Variants in LIN28B observed in about 807,000 individuals in gnomAD.
The protein encoded by LIN28B is protein lin-28 homolog B.
LIN28B carries 5 observed loss-of-function variants against 21.9 expected under a neutral mutation model. That is an observed-to-expected ratio of 0.23 (90% confidence interval 0.12 to 0.48). The LOEUF is 0.48. Ranked by LOEUF, LIN28B falls within the 20% of genes least tolerant of loss-of-function variation. LIN28B has a pLI of 0.98. For missense variants in LIN28B, 245 were observed against 310.5 expected (o/e 0.79, Z 1.58); for synonymous variants, 109 against 111.3 (o/e 0.98, Z 0.13).
chr6:105,046,788 T>C lies in LIN28B; in HGVS notation c.383+20306T>C, dbSNP rs541731055. On this transcript the variant is annotated intron_variant, in intron 3 of 3. Transcript: ENST00000345080. The stretch of plus-strand genomic sequence containing the variant: ...GCCAGTGATGATGAGCGTTTTTTCA[T>C]GTGTCTTTTGGCTGCATAAATGTCT... 4.6e-5 allele frequency among the ~76,000 whole-genome samples: 7 copies of C among 152,360 alleles called. No individual in the cohort carries two copies. In the East Asian group the frequency reaches 9.6e-4, roughly 21 times the overall value.
At chr6:104,938,651 A>C (rs952123430) in intron 2 of LIN28B, among the ~76,000 whole-genome samples, 17 of 151,978 alleles carry the variant, frequency 1.1e-4, no homozygotes, top group Non-Finnish European at 2.4e-4. Context: ...GAAAAAAAAA[A>C]AAACCTGAAA....
At chr6:104,995,082 T>C (rs1395296795) in intron 2 of LIN28B, among the ~76,000 whole-genome samples, 2 of 152,172 alleles carry the variant, frequency 1.3e-5, no homozygotes, top group East Asian at 3.8e-4. Flanking sequence ...ATGCATATAT[T>C]TCAAAATCCC....
At chr6:104,993,841 A>AG (rs1278556790) in intron 2 of LIN28B, among the ~76,000 whole-genome samples, 1 of 151,926 alleles carries the variant, frequency 6.6e-6, no homozygotes, top group African/African-American at 2.4e-5. Context: ...CTCAAAAAAA[A>AG]AAAAAAAAAA....
intron 2 of LIN28B, among the ~76,000 whole-genome samples, chr6:104,966,525 C>G (rs995880823): frequency 6.6e-6 from 1 of 151,668 alleles, no homozygotes; most frequent in African/African-American, 2.4e-5. Flanking sequence ...GGGATCATGG[C>G]TCACTGCAAC....
chr6:104,980,648 G>A (rs1770200385), intron 2 of LIN28B, among the ~76,000 whole-genome samples: 1 of 152,174 alleles, frequency 6.6e-6, no homozygotes, highest in Non-Finnish European at 1.5e-5. Flanking sequence ...AAAGGAAACA[G>A]CCTTTATGCC....
intron 2 of LIN28B, among the ~76,000 whole-genome samples, chr6:104,978,762 A>G (rs1361922680): frequency 1.3e-5 from 2 of 152,150 alleles, no homozygotes; most frequent in African/African-American, 4.8e-5. Context: ...TGTTGGTTGT[A>G]TATCCAACAT....
rs1302132763 is a variant in LIN28B, at chr6:105,081,748, G to C, written c.*2965G>C. 6.6e-6 allele frequency: 1 copy of C among 152,632 alleles called. No homozygotes were observed. The highest frequency in any genetic ancestry group is 1.5e-5 in the Non-Finnish European group (1 of 68,118). 9.5% of individuals were successfully genotyped at this position (152,632 alleles called of 1,614,324 possible). On this transcript the variant is annotated 3_prime_UTR_variant, in exon 4 of 4. Coordinates refer to ENST00000345080, the MANE Select transcript of LIN28B (RefSeq NM_001004317.4). ...GGTGGAGGTTGGAAGGGGTAGCAGG[G>C]AGAGGGGTTGGTGTATGCAGGTATT... is the stretch of plus-strand genomic sequence containing the variant.
chr6:104,951,101 G>A (rs896773122), intron 3 of LIN28B, among the ~76,000 whole-genome samples: 2 of 151,974 alleles, frequency 1.3e-5, no homozygotes, highest in African/African-American at 4.8e-5. Context: ...TTTAAACCCA[G>A]ACTTTTGACA....
Position 104,991,171 on chromosome 6 carries a change from C to T in LIN28B, c.198+32885C>T, listed in dbSNP as rs1358321114. Among the ~76,000 whole-genome samples, 77 of 138,718 alleles carry T rather than the reference C, an allele frequency of 5.6e-4. 1 individual carries two copies. The highest frequency in any genetic ancestry group is 1.0e-3 in the African/African-American group (37 of 36,776). 91.0% of individuals were successfully genotyped at this position (138,718 alleles called of 152,430 possible). On this transcript the variant is annotated intron_variant, in intron 2 of 3. Coordinates refer to ENST00000345080, the MANE Select transcript of LIN28B (RefSeq NM_001004317.4). ...GCGCCCCCCCACCTCCCGGACAGGG[C>T]GGCGGCCAGGCGGAGACGCCCCCCA... is the stretch of plus-strand genomic sequence containing the variant.
chr6:104,967,656 T>A (rs574939695), intron 2 of LIN28B, among the ~76,000 whole-genome samples: 3 of 149,500 alleles, frequency 2.0e-5, no homozygotes, highest in African/African-American at 4.9e-5. Flanking sequence ...TAAACATTTT[T>A]AAAATTTTTA....
intron 2 of LIN28B, among the ~76,000 whole-genome samples, chr6:104,970,716 G>A (rs1343081370): frequency 6.6e-6 from 1 of 152,056 alleles, no homozygotes; most frequent in African/African-American, 2.4e-5. Context: ...AGGGGTGGTG[G>A]TTGGGAGACA....
intron 2 of LIN28B, among the ~76,000 whole-genome samples, chr6:104,950,120 T>G (rs1479354837): frequency 6.6e-6 from 1 of 152,110 alleles, no homozygotes; most frequent in African/African-American, 2.4e-5. Context: ...TTAACTGTGC[T>G]TGGAAAAAAT....
At position 105,081,142 on chromosome 6, in the gene LIN28B, T is replaced by C. The variant is rs992231056; in HGVS notation, c.*2359T>C. ...GACAAAGAACTTTGCTCAGGGAACA[T>C]ACCATGTAATATTTTTGTTGTTTCT... On this transcript the variant is annotated 3_prime_UTR_variant, in exon 4 of 4. Transcript: ENST00000345080. 1 of 152,632 alleles carries C rather than the reference T, an allele frequency of 6.6e-6. No homozygotes were observed. Among genetic ancestry groups the C allele is most frequent in the African/African-American group, 2.4e-5 (1 of 41,460 alleles). 9.5% of individuals were successfully genotyped at this position (152,632 alleles called of 1,614,324 possible). A position where few individuals can be genotyped will look rare whatever the true frequency, so the allele number is the denominator to read the frequency against.
rs548621606 is a variant in LIN28B at position 105,074,642 on chromosome 6, A to T, written c.384-3772A>T. On this transcript the variant is annotated intron_variant, in intron 3 of 3. Coordinates refer to ENST00000345080, the MANE Select transcript of LIN28B (RefSeq NM_001004317.4). ...TATGCTAGCTCATTAGAATTACAGTATTTATAAAATGATTTTATGAAGAAC... is the reference window on the plus strand; with the variant it reads ...TATGCTAGCTCATTAGAATTACAGTTTTTATAAAATGATTTTATGAAGAAC... Among the ~76,000 whole-genome samples the T allele has an allele frequency of 2.6e-5, 4 of 152,364 alleles. No individual in the cohort carries two copies. The South Asian group carries it at 8.3e-4, about 32-fold the overall frequency.
intron 3 of LIN28B, among the ~76,000 whole-genome samples, chr6:105,032,356 C>A (rs1171662837): frequency 6.6e-6 from 1 of 152,112 alleles, no homozygotes; most frequent in East Asian, 1.9e-4. Flanking sequence ...AATTATTTTT[C>A]TTTTGCATTC....
chr6:105,048,535 A>G (rs1771819715), intron 3 of LIN28B, among the ~76,000 whole-genome samples: 2 of 152,180 alleles, frequency 1.3e-5, no homozygotes, highest in South Asian at 4.1e-4. Context: ...GCCTCATAAA[A>G]TGAGTTAGGG....
intron 2 of LIN28B, among the ~76,000 whole-genome samples, chr6:104,938,377 C>T (rs943664266): frequency 2.6e-5 from 4 of 152,024 alleles, no homozygotes; most frequent in South Asian, 2.1e-4. Context: ...TGGTGGATCA[C>T]GCCTGTAATC....
chr6:105,066,260 T>C (rs1433295559), intron 3 of LIN28B, among the ~76,000 whole-genome samples: 1 of 152,164 alleles, frequency 6.6e-6, no homozygotes, highest in Admixed American at 6.5e-5. Flanking sequence ...CATACACCAA[T>C]AGAGAGGTGT....
intron 2 of LIN28B, among the ~76,000 whole-genome samples, chr6:105,021,007 G>A (rs569020907): frequency 2.0e-5 from 3 of 151,854 alleles, no homozygotes; most frequent in East Asian, 1.9e-4. Context: ...CACCCACCTC[G>A]GCCTCCCAAA....
Sources: gnomAD v4.1 joint callset for allele counts (sites outside exome capture counted in the v4.1 genomes callset) on GRCh38, gnomAD v4.1.1 for gene constraint, MANE v1.5 for transcripts, NCBI Gene and HGNC (gene_info 2026-07-23, HGNC 2026-07-21) for gene names.